Variants in TSPAN9 observed in about 807,000 individuals in gnomAD.
The protein encoded by TSPAN9 is tetraspanin 9.
A neutral mutation model predicts 31.0 loss-of-function variants in TSPAN9; 16 were observed. The ratio of observed to expected loss-of-function variants is 0.52; its 90% CI spans 0.35 to 0.78. The LOEUF is 0.78. Ranked by LOEUF, TSPAN9 falls within the 30% of genes least tolerant of loss-of-function variation. The pLI is 0.01. For synonymous variants in TSPAN9, 145 were observed against 121.6 expected (o/e 1.19, Z -1.27); for missense variants, 272 against 312.5 (o/e 0.87, Z 0.98).
At chr12:3,233,902 GTCTC>G (rs1405969705) in intron 3 of TSPAN9, among the ~76,000 whole-genome samples, 1 of 152,170 alleles carries the variant, frequency 6.6e-6, no homozygotes, top group Admixed American at 6.5e-5. Context: ...TAGCAGCCAG[GTCTC>G]TGCAGGGAAT....
intron 2 of TSPAN9, among the ~76,000 whole-genome samples, chr12:3,156,271 C>T (rs979431995): frequency 1.3e-5 from 2 of 152,052 alleles, no homozygotes; most frequent in Non-Finnish European, 2.9e-5. Flanking sequence ...GGACGGATCT[C>T]GTTGTGAATA....
chr12:3,211,084 A>G (rs1171350100), intron 3 of TSPAN9, among the ~76,000 whole-genome samples: 1 of 152,188 alleles, frequency 6.6e-6, no homozygotes, highest in Non-Finnish European at 1.5e-5. Flanking sequence ...TGCTTGTCGC[A>G]ACATAATCAG....
chr12:3,081,844 G>GTGTA (rs57812985), intron 1 of TSPAN9, among the ~76,000 whole-genome samples: 7 of 116,768 alleles, frequency 6.0e-5, no homozygotes, highest in South Asian at 5.9e-4. Context: ...GTCTGTGTGT[G>GTGTA]TATATATATG....
At chr12:3,188,412 G>A (rs1049000263) in intron 2 of TSPAN9, among the ~76,000 whole-genome samples, 2 of 152,164 alleles carry the variant, frequency 1.3e-5, no homozygotes, top group Non-Finnish European at 2.9e-5. Context: ...GGGGGAATAT[G>A]CATTCATGGA....
intron 3 of TSPAN9, among the ~76,000 whole-genome samples, chr12:3,231,501 TGA>T (rs1746328623): frequency 6.6e-6 from 1 of 152,136 alleles, no homozygotes; most frequent in Non-Finnish European, 1.5e-5. Flanking sequence ...CGGCAGAGAC[TGA>T]GAGGGAGCTA....
At chr12:3,275,923 A>G (rs979239643) in intron 3 of TSPAN9, among the ~76,000 whole-genome samples, 2 of 152,176 alleles carry the variant, frequency 1.3e-5, no homozygotes, top group Non-Finnish European at 2.9e-5. Context: ...CTGGTTCCCC[A>G]TTTATCAAAA....
chr12:3,262,104 T>A (rs1237957285), intron 3 of TSPAN9, among the ~76,000 whole-genome samples: 1 of 152,248 alleles, frequency 6.6e-6, no homozygotes, highest in East Asian at 1.9e-4. Context: ...TCTGGTTCTT[T>A]TTCTCTTGAA....
rs1389769524 is a variant in TSPAN9 at position 3,204,438 on chromosome 12, T to G, written c.63+3182T>G. Among the ~76,000 whole-genome samples the G allele has an allele frequency of 2.6e-5, 4 of 152,138 alleles. No individual in the cohort carries two copies. The East Asian group carries it at 7.7e-4, about 29-fold the overall frequency. On this transcript the variant is annotated intron_variant, in intron 3 of 8. Transcript: ENST00000011898. ...ACATCACTGGGGGTAGGTTGGCAGG[T>G]GGAGCCACACAGCCCATGGTCCTCC...
chr12:3,174,615 C>G (rs1427613861), intron 2 of TSPAN9, among the ~76,000 whole-genome samples: 1 of 152,178 alleles, frequency 6.6e-6, no homozygotes, highest in Admixed American at 6.5e-5. Context: ...CGGAGTCTCA[C>G]TCTGTCGCCC....
At chr12:3,162,402 T>C (rs746276621) in intron 2 of TSPAN9, among the ~76,000 whole-genome samples, 8 of 152,142 alleles carry the variant, frequency 5.3e-5, no homozygotes, top group Non-Finnish European at 1.0e-4. Flanking sequence ...CAGGTGATGG[T>C]GAAGGTCAGA....
intron 3 of TSPAN9, among the ~76,000 whole-genome samples, chr12:3,273,404 C>T (rs1167016972): frequency 6.6e-6 from 1 of 152,178 alleles, no homozygotes; most frequent in Non-Finnish European, 1.5e-5. Context: ...GGGCATCAAT[C>T]AGGCCTGGAC....
At chr12:3,257,385 T>G (rs908034793) in intron 3 of TSPAN9, among the ~76,000 whole-genome samples, 4 of 152,024 alleles carry the variant, frequency 2.6e-5, no homozygotes, top group African/African-American at 9.7e-5. Context: ...CTGCTGGGAT[T>G]TATAGACCAT....
intron 3 of TSPAN9, among the ~76,000 whole-genome samples, chr12:3,243,517 A>G (rs142242365): frequency 0.015 from 2,250 of 152,238 alleles, 37 homozygotes; most frequent in South Asian, 0.053. Flanking sequence ...CCTCATCCCC[A>G]CAGGGCTAAG....
At position 3,103,812 on chromosome 12, in the gene TSPAN9, C is replaced by T. The variant is rs148178435; in HGVS notation, c.-18+20093C>T. 1.7e-4 allele frequency among the ~76,000 whole-genome samples: 26 copies of T among 152,278 alleles called. No individual in the cohort carries two copies. The East Asian group carries it at 4.4e-3, about 26-fold the overall frequency. ...CATCCCACAGATATTTGAAGGGCTC[C>T]TCTGGCCAAGCACTGCTCCCGGCTC... is the stretch of plus-strand genomic sequence containing the variant. On this transcript the variant is annotated intron_variant, in intron 2 of 8. Coordinates refer to ENST00000011898, the MANE Select transcript of TSPAN9 (RefSeq NM_006675.5).
intron 3 of TSPAN9, among the ~76,000 whole-genome samples, chr12:3,268,676 C>T (rs1862594797): frequency 8.3e-6 from 1 of 120,996 alleles, no homozygotes; most frequent in African/African-American, 3.3e-5. Context: ...CTGCAGCCTG[C>T]CCTCTCTGTG....
chr12:3,165,343 T>C (rs934361964), intron 2 of TSPAN9, among the ~76,000 whole-genome samples: 3 of 152,184 alleles, frequency 2.0e-5, no homozygotes, highest in Non-Finnish European at 4.4e-5. Context: ...TTATTGCTAA[T>C]TAATGGAGGT....
chr12:3,211,172 A>C (rs1378539408), intron 3 of TSPAN9, among the ~76,000 whole-genome samples: 1 of 152,134 alleles, frequency 6.6e-6, no homozygotes, highest in East Asian at 1.9e-4. Context: ...TTTTCTTTTT[A>C]TATTTAAGTC....
intron 2 of TSPAN9, among the ~76,000 whole-genome samples, chr12:3,158,746 A>G (rs1321782190): frequency 7.2e-6 from 1 of 138,786 alleles, no homozygotes; most frequent in Non-Finnish European, 1.6e-5. Context: ...AAAAAAAAGC[A>G]TAGGCTTCCA....
intron 3 of TSPAN9, among the ~76,000 whole-genome samples, chr12:3,205,582 G>T (rs902802286): frequency 6.6e-6 from 1 of 152,258 alleles, no homozygotes; most frequent in African/African-American, 2.4e-5. Context: ...GAGTCTATGG[G>T]GTGCCTTCTG....
Sources: allele counts gnomAD v4.1 joint callset (sites outside exome capture counted in the v4.1 genomes callset), GRCh38; gene constraint gnomAD v4.1.1; transcripts MANE v1.5; gene names NCBI Gene and HGNC (gene_info 2026-07-23, HGNC 2026-07-21).